Variants in KCNIP4 observed in about 807,000 individuals in gnomAD.
KCNIP4 encodes Kv channel-interacting protein 4.
In KCNIP4, 12 loss-of-function variants were observed where a neutral mutation model predicts 34.0. The observed-to-expected ratio is 0.35, with a 90% CI of 0.23 to 0.57. The LOEUF (loss-of-function observed/expected upper bound fraction) is 0.57, where lower values mean the gene tolerates loss of function less well. Among genes scored for constraint, KCNIP4 ranks in the 20% least tolerant of loss-of-function variants. The pLI is 0.83. For missense variants in KCNIP4, 238 were observed against 311.7 expected (o/e 0.76, Z 1.78); for synonymous variants, 124 against 102.2 (o/e 1.21, Z -1.29).
intron 1 of KCNIP4, among the ~76,000 whole-genome samples, chr4:21,463,187 T>A (rs1729622998): frequency 6.6e-6 from 1 of 152,164 alleles, no homozygotes; most frequent in Non-Finnish European, 1.5e-5. Flanking sequence ...TGTTATCTTT[T>A]GTATTTTTGA....
chr4:21,840,178 A>G lies in KCNIP4; in HGVS notation c.61+108393T>C, dbSNP rs186621122. ...AGAGGGGTTAGGGCATGGCAAGCAC[A>G]GAAAACAACTTGAAATAAGATACTA... On this transcript the variant is annotated intron_variant, in intron 1 of 8. Transcript: ENST00000382152. Among the ~76,000 whole-genome samples, 4 of 151,748 alleles carry G rather than the reference A, an allele frequency of 2.6e-5. No individual in the cohort carries two copies. In the East Asian group the frequency reaches 7.8e-4, roughly 29 times the overall value.
At chr4:21,858,779 T>A (rs1388913671) in intron 1 of KCNIP4, among the ~76,000 whole-genome samples, 1 of 152,226 alleles carries the variant, frequency 6.6e-6, no homozygotes, top group African/African-American at 2.4e-5. Flanking sequence ...AATTTCCTTT[T>A]TAACAGTATT....
intron 1 of KCNIP4, among the ~76,000 whole-genome samples, chr4:21,375,740 T>G (rs2109455351): frequency 6.6e-6 from 1 of 151,966 alleles, no homozygotes; most frequent in African/African-American, 2.4e-5. Context: ...CTAATTTTTT[T>G]TGTATTTTTA....
At chr4:20,786,987 G>C (rs938536574) in intron 3 of KCNIP4, among the ~76,000 whole-genome samples, 13 of 152,046 alleles carry the variant, frequency 8.6e-5, no homozygotes, top group African/African-American at 3.1e-4. Flanking sequence ...TAAGCTGTAA[G>C]GTGCTCTATC....
chr4:21,048,462 T>C (rs1238837620), intron 1 of KCNIP4, among the ~76,000 whole-genome samples: 1 of 152,222 alleles, frequency 6.6e-6, no homozygotes, highest in Non-Finnish European at 1.5e-5. Flanking sequence ...CATATGTACA[T>C]TTGTTACGCA....
At chr4:21,456,155 T>C (rs1346030065) in intron 1 of KCNIP4, among the ~76,000 whole-genome samples, 1 of 147,090 alleles carries the variant, frequency 6.8e-6, no homozygotes, top group African/African-American at 2.7e-5. Flanking sequence ...GAGCACTTGA[T>C]ATGGTATTAC....
chr4:21,762,796 A>G (rs1440735862), intron 1 of KCNIP4: 2 of 563,630 alleles, frequency 3.5e-6, no homozygotes, highest in Non-Finnish European at 5.3e-6. Context: ...TCCAGTCATG[A>G]CTCTTCTTTA....
At chr4:21,143,245 T>C (rs1430556373) in intron 1 of KCNIP4, among the ~76,000 whole-genome samples, 1 of 152,186 alleles carries the variant, frequency 6.6e-6, no homozygotes, top group Non-Finnish European at 1.5e-5. Context: ...GAGAACTTCG[T>C]CCACTGGTGG....
chr4:21,026,028 C>G (rs775926337), intron 1 of KCNIP4, among the ~76,000 whole-genome samples: 3 of 151,844 alleles, frequency 2.0e-5, no homozygotes, highest in Non-Finnish European at 4.4e-5. Context: ...GTCTAATGGC[C>G]CTGAAAATAA....
intron 1 of KCNIP4, among the ~76,000 whole-genome samples, chr4:21,168,911 C>T (rs1295622169): frequency 2.0e-5 from 3 of 152,082 alleles, no homozygotes; most frequent in Admixed American, 1.3e-4. Context: ...CTCAGTATCT[C>T]GAAGCATCTG....
intron 1 of KCNIP4, among the ~76,000 whole-genome samples, chr4:21,638,498 T>C (rs946240306): frequency 1.4e-4 from 21 of 152,326 alleles, no homozygotes; most frequent in African/African-American, 4.8e-4. Context: ...AATATTTTTA[T>C]GTTTTTTATC....
At chr4:20,823,659 C>T (rs1221539013) in intron 3 of KCNIP4, among the ~76,000 whole-genome samples, 1 of 152,202 alleles carries the variant, frequency 6.6e-6, no homozygotes, top group African/African-American at 2.4e-5. Flanking sequence ...GACATAGGAT[C>T]TGCTGGAAAC....
intron 1 of KCNIP4, among the ~76,000 whole-genome samples, chr4:21,594,376 T>C (rs565950086): frequency 5.3e-5 from 8 of 152,156 alleles, no homozygotes; most frequent in Non-Finnish European, 1.2e-4. Context: ...AATAGCATAA[T>C]AGTTATGACC....
intron 1 of KCNIP4, among the ~76,000 whole-genome samples, chr4:21,519,727 TGTGTATATGTATG>T (rs1184322757): frequency 0.026 from 3,375 of 131,484 alleles, 172 homozygotes; most frequent in East Asian, 0.077. Flanking sequence ...TATACACACG[TGTGTATATGTATG>T]ATACACACGT....
chr4:21,594,556 C>T (rs755599674), intron 1 of KCNIP4, among the ~76,000 whole-genome samples: 1 of 151,670 alleles, frequency 6.6e-6, no homozygotes, highest in Non-Finnish European at 1.5e-5. Context: ...TAAATAGAAA[C>T]CAGCATTAGA....
Position 20,730,121 on chromosome 4 carries a change from G to A in KCNIP4, c.714C>T (p.Asn238=). The change falls in exon 9 of 9, where the codon AAC becomes AAT. Residue 238 remains asparagine, a synonymous_variant. Coordinates refer to ENST00000382152, the MANE Select transcript of KCNIP4 (RefSeq NM_025221.6). ...CAAAGAGCTGCATGGAGCGCATTAT[G>A]TTTTCATCCTGTAAGGGAGAAACAC... ...EFIESCQKDE[N]IMRSMQLFEN... 2.5e-6 allele frequency: 4 copies of A among 1,607,730 alleles called. No homozygotes were observed. Among genetic ancestry groups the A allele is most frequent in the Non-Finnish European group, 3.4e-6 (4 of 1,177,784 alleles).
chr4:21,376,562 T>C (rs1485151480), intron 1 of KCNIP4, among the ~76,000 whole-genome samples: 1 of 152,230 alleles, frequency 6.6e-6, no homozygotes, highest in Non-Finnish European at 1.5e-5. Flanking sequence ...CACAAGTATA[T>C]GCTTTTTAAG....
chr4:21,217,189 A>T (rs2108991032), intron 1 of KCNIP4, among the ~76,000 whole-genome samples: 1 of 152,360 alleles, frequency 6.6e-6, no homozygotes, highest in Non-Finnish European at 1.5e-5. Context: ...GCTAGCATTC[A>T]AAACACTGTA....
intron 1 of KCNIP4, among the ~76,000 whole-genome samples, chr4:21,668,559 C>T (rs1245167120): frequency 6.6e-6 from 1 of 152,080 alleles, no homozygotes; most frequent in Non-Finnish European, 1.5e-5. Flanking sequence ...TAATTAAGTA[C>T]ATATAATCAA....
Sources: allele counts gnomAD v4.1 joint callset (sites outside exome capture counted in the v4.1 genomes callset), GRCh38; gene constraint gnomAD v4.1.1; transcripts MANE v1.5; gene names NCBI Gene and HGNC (gene_info 2026-07-23, HGNC 2026-07-21).